CD96: variants seen among roughly 807,000 people sequenced by gnomAD.
The protein encoded by CD96 is CD96 molecule, also known as T-cell surface protein tactile.
A neutral mutation model predicts 71.3 loss-of-function variants in CD96; 70 were observed. That is an observed-to-expected ratio of 0.98 (90% CI 0.81 to 1.20). The LOEUF (loss-of-function observed/expected upper bound fraction) is 1.20, where lower values mean the gene tolerates loss of function less well. CD96 is among the 50% of genes most tolerant of loss of function. CD96 has a pLI of 0.00. For missense variants in CD96, 742 were observed against 677.5 expected, an observed-to-expected ratio of 1.10 and a Z score of -1.06; for synonymous variants, 248 against 233.0, an observed-to-expected ratio of 1.06 and a Z score of -0.59.
chr3:111,561,598 A>G (rs1170029855), intron 2 of CD96, among the ~76,000 whole-genome samples: 5 of 145,126 alleles, frequency 3.4e-5, no homozygotes, highest in East Asian at 4.1e-4. Flanking sequence ...TGGGAGAACC[A>G]CTGCTCTCTT....
At chr3:111,583,445 A>T (rs1385811580) in intron 4 of CD96, among the ~76,000 whole-genome samples, 1 of 152,132 alleles carries the variant, frequency 6.6e-6, no homozygotes, top group East Asian at 1.9e-4. Context: ...TCACAGCTCC[A>T]CTAGTCAGTG....
chr3:111,645,807 G>T (rs1400564359), intron 12 of CD96, among the ~76,000 whole-genome samples: 1 of 152,086 alleles, frequency 6.6e-6, no homozygotes. Flanking sequence ...CTTTGACAGG[G>T]GTGAGAATCA....
At chr3:111,615,671 A>C (rs534529954) in intron 8 of CD96, among the ~76,000 whole-genome samples, 1 of 152,296 alleles carries the variant, frequency 6.6e-6, no homozygotes, top group South Asian at 2.1e-4. Flanking sequence ...CTAGGTTTAG[A>C]ATTATGTATC....
At chr3:111,615,117 C>T (rs543065940) in intron 8 of CD96, among the ~76,000 whole-genome samples, 6 of 152,324 alleles carry the variant, frequency 3.9e-5, no homozygotes, top group African/African-American at 1.4e-4. Context: ...TTTGGAACCT[C>T]ATCTGAAATG....
intron 8 of CD96, among the ~76,000 whole-genome samples, chr3:111,612,346 G>A (rs976400913): frequency 2.6e-5 from 4 of 152,160 alleles, no homozygotes; most frequent in East Asian, 3.8e-4. Context: ...TAAATACAGG[G>A]ACTAAAAAGG....
intron 8 of CD96, among the ~76,000 whole-genome samples, chr3:111,609,022 T>C (rs1937770525): frequency 6.6e-6 from 1 of 152,146 alleles, no homozygotes; most frequent in South Asian, 2.1e-4. Flanking sequence ...TCTTTGTGAG[T>C]TCATGGGCTC....
At chr3:111,665,145 G>C (rs1576447261) in intron 14 of CD96, among the ~76,000 whole-genome samples, 1 of 151,992 alleles carries the variant, frequency 6.6e-6, no homozygotes, top group Non-Finnish European at 1.5e-5. Context: ...AATTGTTAAA[G>C]ACAGATGAAT....
intron 6 of CD96, among the ~76,000 whole-genome samples, chr3:111,599,373 A>T (rs575735026): frequency 2.2e-3 from 334 of 152,080 alleles, no homozygotes; most frequent in African/African-American, 5.9e-3. Context: ...GTTTATTTTT[A>T]AAAAAAATTC....
chr3:111,592,706 CACTA>C (rs529657213), intron 5 of CD96, among the ~76,000 whole-genome samples: 1 of 152,280 alleles, frequency 6.6e-6, no homozygotes, highest in South Asian at 2.1e-4. Context: ...AGTTCTTCCT[CACTA>C]ACTCCTTTTC....
chr3:111,651,932 T>C lies in CD96; in HGVS notation c.*2126T>C, dbSNP rs1940102570. 6.7e-6 allele frequency: 1 copy of C among 149,882 alleles called. No homozygotes were observed. The highest frequency in any genetic ancestry group is 2.5e-5 in the African/African-American group (1 of 40,438). The allele number at this position is 149,882 out of a possible 1,614,324, so 9.3% of individuals were successfully genotyped here. A position where few individuals can be genotyped will look rare whatever the true frequency, so the allele number is the denominator to read the frequency against. On this transcript the variant is annotated 3_prime_UTR_variant, in exon 14 of 14. Coordinates refer to ENST00000352690, the MANE Select transcript of CD96 (RefSeq NM_005816.5). Reference sequence around the variant, plus strand: ...AGAAAGAAAGAAAGAAATCTACCTGTCAAGGAACTAAGGTATTTTGCTAAC... The same window carrying C: ...AGAAAGAAAGAAAGAAATCTACCTGCCAAGGAACTAAGGTATTTTGCTAAC...
chr3:111,622,498 C>A (rs181410082), intron 8 of CD96, among the ~76,000 whole-genome samples: 3 of 152,176 alleles, frequency 2.0e-5, no homozygotes, highest in African/African-American at 2.4e-5. Flanking sequence ...AAAAGGTTAT[C>A]ATTGATGACC....
chr3:111,607,021 C>G (rs1559753166), intron 8 of CD96: 6 of 573,540 alleles, frequency 1.0e-5, no homozygotes, highest in Non-Finnish European at 1.9e-5. Context: ...ACTTGTACAA[C>G]CATGACTACA....
chr3:111,551,608 TG>T (rs1253168441), intron 2 of CD96, among the ~76,000 whole-genome samples: 1 of 152,092 alleles, frequency 6.6e-6, no homozygotes, highest in African/African-American at 2.4e-5. Flanking sequence ...TGTGCAGGTT[TG>T]TTATATAGGT....
intron 13 of CD96, among the ~76,000 whole-genome samples, chr3:111,649,352 C>T (rs1287365303): frequency 2.0e-5 from 3 of 152,070 alleles, no homozygotes; most frequent in East Asian, 3.8e-4. Flanking sequence ...ATTTCCTGCA[C>T]ACAAAGTAAA....
chr3:111,607,746 G>A (rs1937693224), intron 8 of CD96, among the ~76,000 whole-genome samples: 1 of 152,194 alleles, frequency 6.6e-6, no homozygotes, highest in South Asian at 2.1e-4. Context: ...AATGAAGCAA[G>A]TGGCAGAAAA....
chr3:111,641,998 G>A (rs993289505), intron 12 of CD96, among the ~76,000 whole-genome samples: 3 of 152,118 alleles, frequency 2.0e-5, no homozygotes, highest in Non-Finnish European at 4.4e-5. Context: ...CAGCAAAGGT[G>A]GTGCTAAGAG....
At position 111,593,693 on chromosome 3, in the gene CD96, C is replaced by T. The variant is rs149628986; in HGVS notation, c.808-4427C>T. Reference sequence around the variant, plus strand: ...CTCCCTTTTTTCCACAGCCCTCTCCCGCCATTCCACTGCCCTTTCCCTCCT... The same window carrying T: ...CTCCCTTTTTTCCACAGCCCTCTCCTGCCATTCCACTGCCCTTTCCCTCCT... On this transcript the variant is annotated intron_variant, in intron 5 of 13. Coordinates refer to ENST00000352690, the MANE Select transcript of CD96 (RefSeq NM_005816.5). 47 of 1,613,598 alleles carry T rather than the reference C, an allele frequency of 2.9e-5. No homozygotes were observed. Among genetic ancestry groups the T allele is most frequent in the African/African-American group, 4.0e-5 (3 of 74,924 alleles).
At chr3:111,553,171 G>GT (rs142768577) in intron 2 of CD96, among the ~76,000 whole-genome samples, 1,778 of 141,508 alleles carry the variant, frequency 0.013, 26 homozygotes, top group African/African-American at 0.034. Flanking sequence ...GTTATATTTT[G>GT]TTTTTTTTTT....
At chr3:111,587,417 G>C (rs1403819967) in intron 5 of CD96, among the ~76,000 whole-genome samples, 1 of 151,954 alleles carries the variant, frequency 6.6e-6, no homozygotes, top group East Asian at 1.9e-4. Context: ...AGCTCTGCCA[G>C]TGTGGCTTTG....
Sources: allele counts gnomAD v4.1 joint callset (sites outside exome capture counted in the v4.1 genomes callset), GRCh38; gene constraint gnomAD v4.1.1; transcripts MANE v1.5; gene names NCBI Gene and HGNC (gene_info 2026-07-23, HGNC 2026-07-21).